SPTBN5: variants seen among roughly 807,000 people sequenced by gnomAD.
The protein encoded by SPTBN5 is spectrin beta, non-erythrocytic 5, also known as spectrin beta chain, non-erythrocytic 5.
A neutral mutation model predicts 477.6 loss-of-function variants in SPTBN5; 513 were observed. The ratio of observed to expected loss-of-function variants is 1.07; its 90% CI spans 1.00 to 1.16. SPTBN5 has a LOEUF of 1.16. SPTBN5 is among the 50% of genes most tolerant of loss of function. The pLI is 0.00. For missense variants in SPTBN5, 5,062 were observed against 4,731.8 expected (o/e 1.07, Z -2.05); for synonymous variants, 2,169 against 2,011.7 (o/e 1.08, Z -2.09).
In SPTBN5 at chr15:41,862,150, C is replaced by T. The variant is rs775648802; in HGVS notation, c.7528G>A (p.Glu2510Lys). ...RSPVEARRMLEEHQECKAELD... is the reference protein window; with the variant it reads ...RSPVEARRMLKEHQECKAELD... ...TTCACCTTGCACTCCTGATGCTCTT[C>T]TAACATACGCCGGGCTTCCACAGGG... is the stretch of plus-strand genomic sequence containing the variant. Residue 2510 changes from glutamate to lysine, a missense_variant, in exon 44 of 68, where the codon GAA (glutamate) becomes AAA (lysine). Physicochemically the swap from Glu to Lys is moderately conservative, Grantham distance 56. Coordinates refer to ENST00000320955, the MANE Select transcript of SPTBN5 (RefSeq NM_016642.4). 5 of 1,592,124 alleles carry T rather than the reference C, an allele frequency of 3.1e-6. No individual in the cohort carries two copies. In the Admixed American group the frequency reaches 8.6e-5, roughly 28 times the overall value.
At chr15:41,849,810 C>T (rs964145871) in intron 67 of SPTBN5, 59 bp downstream of exon 67, 5 of 1,342,634 alleles carry the variant, frequency 3.7e-6, no homozygotes, top group Non-Finnish European at 5.2e-6. Flanking sequence ...GAGGACAGCG[C>T]CTGCCAGCCA....
At chr15:41,869,785 A>C (rs2066467630) in intron 32 of SPTBN5, 56 bp downstream of exon 32, 2 of 1,427,970 alleles carry the variant, frequency 1.4e-6, no homozygotes, top group Non-Finnish European at 1.8e-6. Flanking sequence ...ATGCCCATGC[A>C]TGGTGCAGCA....
intron 39 of SPTBN5, among the ~76,000 whole-genome samples, chr15:41,864,513 C>T (rs1040709677): frequency 4.6e-5 from 7 of 152,230 alleles, no homozygotes; most frequent in Admixed American, 2.6e-4. Flanking sequence ...GGGGTTTCAC[C>T]ATGTTGGCCA....
intron 19 of SPTBN5, 29 bp from the exon 20 acceptor site, chr15:41,876,676 G>T (rs766014843): frequency 1.9e-6 from 3 of 1,548,292 alleles, no homozygotes; most frequent in South Asian, 1.1e-5. Context: ...TTGGAGGAGG[G>T]CATGGGAGAG....
At chr15:41,893,099 G>GCCCAT (rs55835308) in intron 2 of SPTBN5, 38 bp from the exon 3 acceptor site, 51,498 of 1,599,286 alleles carry the variant, frequency 0.032, 1,603 homozygotes, top group East Asian at 0.19. Flanking sequence ...GGTCAGCCCA[G>GCCCAT]CCTCACCTGT....
At position 41,871,492 on chromosome 15, in the gene SPTBN5, T is replaced by C. The variant is rs1203131286; in HGVS notation, c.5330A>G (p.Gln1777Arg). 6.6e-7 allele frequency: 1 copy of C among 1,520,500 alleles called. No individual in the cohort carries two copies. Among genetic ancestry groups the C allele is most frequent in the East Asian group, 2.5e-5 (1 of 40,144 alleles). 94.2% of individuals were successfully genotyped at this position (1,520,500 alleles called of 1,614,324 possible). A position where few individuals can be genotyped will look rare whatever the true frequency, so the allele number is the denominator to read the frequency against. Residue 1777 changes from glutamine to arginine, a missense_variant, in exon 29 of 68, where the codon CAG becomes CGG. Coordinates refer to ENST00000320955, the MANE Select transcript of SPTBN5 (RefSeq NM_016642.4). Reference sequence around the variant, plus strand: ...CTGGCTGCCCATCTCCACTTGGTGCTGAAACTTTGCAAACTTGGTGCAGAG... The same window carrying C: ...CTGGCTGCCCATCTCCACTTGGTGCCGAAACTTTGCAAACTTGGTGCAGAG... The part of the protein sequence containing the change: ...LHLCTKFAKF[Q>R]HQVEMGSQRV...
chr15:41,862,738 A>AG, intron 42 of SPTBN5, 52 bp downstream of exon 42: 2 of 1,544,440 alleles, frequency 1.3e-6, no homozygotes, highest in Non-Finnish European at 1.7e-6. Context: ...ACTTGTGCCC[A>AG]GGGTCCTACT....
In SPTBN5 at chr15:41,890,044, C is replaced by T. The variant is rs772984403; in HGVS notation, c.501+45G>A. ...CCAGGGGTCTGAGGTGAGGCCAGGG[C>T]TGGGCTGGGTCACCAGGTGCTGGGT... On this transcript the variant is annotated intron_variant, in intron 4 of 67. Transcript: ENST00000320955. 16 of 1,336,258 alleles carry T rather than the reference C, an allele frequency of 1.2e-5. No individual in the cohort carries two copies. In the Admixed American group the frequency reaches 3.0e-4, roughly 25 times the overall value. The allele number at this position is 1,336,258 out of a possible 1,614,324, so 82.8% of individuals were successfully genotyped here. A position where few individuals can be genotyped will look rare whatever the true frequency, so the allele number is the denominator to read the frequency against.
Position 41,852,780 on chromosome 15 carries a change from GCC to G in SPTBN5, c.10347+42_10347+43del, listed in dbSNP as rs111432071. ...GGTGACGCCCAGCTTGGGGGGGGGGGCCCAGAGCCTGGTAGCCAGCTAAGGGG... is the reference window on the plus strand; with the variant it reads ...GGTGACGCCCAGCTTGGGGGGGGGGGCAGAGCCTGGTAGCCAGCTAAGGGG... On this transcript the variant is annotated intron_variant, in intron 60 of 67. Transcript: ENST00000320955. The G allele has an allele frequency of 3.1e-5, 46 of 1,472,672 alleles. 1 individual carries two copies. The South Asian group carries it at 3.5e-4, about 11-fold the overall frequency. The allele number at this position is 1,472,672 out of a possible 1,614,324, so 91.2% of individuals were successfully genotyped here.
intron 20 of SPTBN5, 74 bp downstream of exon 20, chr15:41,876,474 G>T: frequency 7.2e-7 from 1 of 1,389,578 alleles, no homozygotes; most frequent in Non-Finnish European, 1.0e-6. Context: ...TGCTCTGTAG[G>T]CTGCACAGAG....
chr15:41,879,250 CTGG>C lies in SPTBN5; in HGVS notation c.3182+7_3182+9del. On this transcript the variant is annotated splice_region_variant and intron_variant, in intron 16 of 67. Transcript: ENST00000320955. ...ACTGCCTCCCAATGCCACCACTGCG[CTGG>C]CCGTACTTTACGACCACACTTTGGA... 6.2e-7 allele frequency: 1 copy of C among 1,604,844 alleles called. No individual in the cohort carries two copies. Among genetic ancestry groups the C allele is most frequent in the Middle Eastern group, 1.7e-4 (1 of 5,738 alleles).
At position 41,881,949 on chromosome 15, in the gene SPTBN5, GC is replaced by G. The variant is rs1283995411; in HGVS notation, c.2443del (p.Ala815ArgfsTer6). On this transcript the variant is annotated frameshift_variant, in exon 12 of 68. Coordinates refer to ENST00000320955, the MANE Select transcript of SPTBN5 (RefSeq NM_016642.4). LOFTEE classifies it high-confidence loss of function. ...CCCCGTCCTCACCGTGAATAACGACGCCCGGGCCGAGGCCGCCCGCCCCTGC... is the reference window on the plus strand; with the variant it reads ...CCCCGTCCTCACCGTGAATAACGACGCCGGGCCGAGGCCGCCCGCCCCTGC... ...EEQGRAASAR[A>X]SLFTVNSALS... 10 of 1,528,296 alleles carry G rather than the reference GC, an allele frequency of 6.5e-6. 1 individual carries two copies. The Admixed American group carries it at 2.0e-4, about 30-fold the overall frequency. 94.7% of individuals were successfully genotyped at this position (1,528,296 alleles called of 1,614,324 possible). A position where few individuals can be genotyped will look rare whatever the true frequency, so the allele number is the denominator to read the frequency against.
Position 41,879,256 on chromosome 15 carries a change from G to A in SPTBN5, c.3182+4C>T, listed in dbSNP as rs765499575. The A allele has an allele frequency of 9.9e-6, 16 of 1,608,652 alleles. No individual in the cohort carries two copies. The African/African-American group carries it at 1.1e-4, about 11-fold the overall frequency. On this transcript the variant is annotated splice_donor_region_variant and intron_variant, in intron 16 of 67. Transcript: ENST00000320955. ...TCCCAATGCCACCACTGCGCTGGCCGTACTTTACGACCACACTTTGGAGGA... is the reference window on the plus strand; with the variant it reads ...TCCCAATGCCACCACTGCGCTGGCCATACTTTACGACCACACTTTGGAGGA...
In SPTBN5 at chr15:41,872,007, G is replaced by C. The variant is rs531851831; in HGVS notation, c.5166-90C>G. ...AGCCAGAGGGGCCAATCTGAAAACTGGGGTTACTCATGGTCTCTGTCCAAG... is the reference window on the plus strand; with the variant it reads ...AGCCAGAGGGGCCAATCTGAAAACTCGGGTTACTCATGGTCTCTGTCCAAG... On this transcript the variant is annotated intron_variant, in intron 27 of 67. Transcript: ENST00000320955. 55 of 1,418,630 alleles carry C rather than the reference G, an allele frequency of 3.9e-5. No homozygotes were observed. The African/African-American group carries it at 7.2e-4, about 19-fold the overall frequency. 87.9% of individuals were successfully genotyped at this position (1,418,630 alleles called of 1,614,324 possible).
At chr15:41,850,679 G>A (rs1202063787) in intron 66 of SPTBN5, 175 bp downstream of exon 66, 1 of 621,960 alleles carries the variant, frequency 1.6e-6, no homozygotes, top group Non-Finnish European at 2.8e-6. Context: ...TCTTGGGCAA[G>A]TTGCGTAACC....
chr15:41,870,196 A>G, intron 31 of SPTBN5, 47 bp downstream of exon 31: 1 of 1,522,740 alleles, frequency 6.6e-7, no homozygotes, highest in Non-Finnish European at 8.9e-7. Flanking sequence ...GGCCAGCCTG[A>G]GGGGGCTGCA....
At position 41,868,130 on chromosome 15, in the gene SPTBN5, T is replaced by C. The variant is rs746279809; in HGVS notation, c.6146A>G (p.Gln2049Arg). The change falls in exon 34 of 68, where the codon CAG becomes CGG. Residue 2049 changes from glutamine (Q) to arginine (R), a missense_variant. Coordinates refer to ENST00000320955, the MANE Select transcript of SPTBN5 (RefSeq NM_016642.4). ...CTCTCTGAGGAAGAGCTGCTCCTGC[T>C]GCTCGGCCTGCAGCCTCTCTTGCTT... ...ARKQERLQAE[Q>R]QEQLFLRECG... 20 of 1,597,058 alleles carry C rather than the reference T, an allele frequency of 1.3e-5. No homozygotes were observed. Among genetic ancestry groups the C allele is most frequent in the African/African-American group, 1.3e-5 (1 of 74,696 alleles).
rs2066676610 is a variant in SPTBN5 at position 41,875,006 on chromosome 15, T to C, written c.4338A>G (p.Glu1446=). The C allele has an allele frequency of 6.2e-7, 1 of 1,613,656 alleles. No individual in the cohort carries two copies. Among genetic ancestry groups the C allele is most frequent in the East Asian group, 2.2e-5 (1 of 44,878 alleles). The change falls in exon 23 of 68, where the codon GAA becomes GAG. Residue 1446 remains glutamate, a synonymous_variant. Transcript: ENST00000320955. ...GGCTGGAGCGCAGGTCCTGCCCTGT[T>C]TCCGAGCTCTGTAGGGCCCCTTCGA... ...EQLEGALQSS[E]TGQDLRSSQR...
chr15:41,880,423 G>A (rs1232187626), intron 13 of SPTBN5, 111 bp from the exon 14 acceptor site: 3 of 1,216,750 alleles, frequency 2.5e-6, no homozygotes, highest in African/African-American at 1.5e-5. Flanking sequence ...AGAGCCCAGG[G>A]TCAGGGCCAG....
Sources: allele counts gnomAD v4.1 joint callset (sites outside exome capture counted in the v4.1 genomes callset), GRCh38; gene constraint gnomAD v4.1.1; transcripts MANE v1.5; gene names NCBI Gene and HGNC (gene_info 2026-07-23, HGNC 2026-07-21).